The following KLF17 variants were observed in gnomAD, a reference collection of about 807,000 sequenced individuals.
KLF17 encodes the protein Krueppel-like factor 17.
A neutral mutation model predicts 34.2 loss-of-function variants in KLF17; 31 were observed. That is an observed-to-expected ratio of 0.91 (90% CI 0.68 to 1.22). The LOEUF (loss-of-function observed/expected upper bound fraction) is 1.22, where lower values mean the gene tolerates loss of function less well. Among genes scored for constraint, KLF17 ranks in the 50% most tolerant of loss-of-function variants. The pLI is 0.00. For missense variants in KLF17, 478 were observed against 505.2 expected (o/e 0.95, Z 0.52); for synonymous variants, 179 against 186.7 (o/e 0.96, Z 0.34).
chr1:44,083,103 G>A, the KLF17 span, among the ~76,000 whole-genome samples: 1 of 151,432 alleles, frequency 6.6e-6, no homozygotes, highest in Non-Finnish European at 1.5e-5. Context: ...ACCACACCCA[G>A]CTAATTAAAA....
the KLF17 span, among the ~76,000 whole-genome samples, chr1:44,079,307 C>CTTTTTTTTTTTTTTTTT: frequency 1.4e-5 from 2 of 140,868 alleles, no homozygotes; most frequent in Non-Finnish European, 3.1e-5. Context: ...TTTTCTTCTC[C>CTTTTTTTTTTTTTTTTT]TTTTTTTTTT....
At chr1:44,061,963 C>T in the KLF17 span, among the ~76,000 whole-genome samples, 5 of 152,218 alleles carry the variant, frequency 3.3e-5, no homozygotes, top group South Asian at 2.1e-4. Flanking sequence ...TGAGCTGCTA[C>T]TGTGTATACA....
the KLF17 span, among the ~76,000 whole-genome samples, chr1:44,068,132 C>G: frequency 1.3e-5 from 2 of 152,198 alleles, no homozygotes; most frequent in East Asian, 3.9e-4. Context: ...TCAAGCAATT[C>G]TCCTGCCTCA....
chr1:44,086,468 AAAATAAATAAATAAATAAAT>A, the KLF17 span, among the ~76,000 whole-genome samples: 2 of 148,410 alleles, frequency 1.3e-5, no homozygotes, highest in South Asian at 2.1e-4. Context: ...CTCCATCTCA[AAAATAAATAAATAAATAAAT>A]AAATAAATAA....
At chr1:44,104,519 C>T in the KLF17 span, 1 of 728,652 alleles carries the variant, frequency 1.4e-6, no homozygotes, top group South Asian at 1.5e-5. Flanking sequence ...TGCGCATGGC[C>T]TGGATGTTGA....
the KLF17 span, among the ~76,000 whole-genome samples, chr1:44,111,751 G>A: frequency 6.6e-6 from 1 of 152,054 alleles, no homozygotes; most frequent in Non-Finnish European, 1.5e-5. Flanking sequence ...AAATTAGCTG[G>A]GTGTGGTGGC....
chr1:44,099,975 G>A, the KLF17 span, among the ~76,000 whole-genome samples: 64,496 of 136,610 alleles, frequency 0.47, 18,399 homozygotes, highest in Middle Eastern at 0.55. Context: ...CGTTGCTCAC[G>A]CCTGTAATCT....
At chr1:44,132,514 C>T (rs777453852) in intron 3 of KLF17, among the ~76,000 whole-genome samples, 3 of 152,166 alleles carry the variant, frequency 2.0e-5, no homozygotes, top group Non-Finnish European at 2.9e-5. Context: ...CCCACCCCAG[C>T]CTATTAAATA....
chr1:44,049,627 C>T, the KLF17 span, among the ~76,000 whole-genome samples: 2 of 152,276 alleles, frequency 1.3e-5, no homozygotes, highest in East Asian at 3.9e-4. Context: ...GGACTACAGG[C>T]ATGTGCCACC....
the KLF17 span, among the ~76,000 whole-genome samples, chr1:44,071,993 G>C: frequency 5.3e-5 from 8 of 151,514 alleles, no homozygotes; most frequent in East Asian, 1.9e-4. Flanking sequence ...TTTTTTTTTG[G>C]GGGGGGACGG....
rs150440673 is a variant in KLF17, at chr1:44,119,053, G to A, written c.81+65G>A. The A allele has an allele frequency of 8.5e-4, 1,077 of 1,270,170 alleles. 26 individuals are homozygous for A. In the East Asian group the frequency reaches 0.022, roughly 26 times the overall value. 78.7% of individuals were successfully genotyped at this position (1,270,170 alleles called of 1,614,324 possible). On this transcript the variant is annotated intron_variant, in intron 1 of 3. Coordinates refer to ENST00000372299, the MANE Select transcript of KLF17 (RefSeq NM_173484.4). ...AGGCTAGGGGGCGGCGGGGAGGGGA[G>A]GCCTTGGAGGAGAGGTGAGGCGGAG...
the KLF17 span, chr1:44,110,374 T>C: frequency 6.6e-6 from 1 of 152,210 alleles, no homozygotes; most frequent in Non-Finnish European, 1.5e-5. Flanking sequence ...CCAAAAATTA[T>C]TATTTAATAT....
intron 3 of KLF17, among the ~76,000 whole-genome samples, chr1:44,131,298 C>T (rs1437389302): frequency 1.3e-5 from 2 of 152,124 alleles, no homozygotes; most frequent in East Asian, 1.9e-4. Context: ...TAGTCAGATG[C>T]GAATGTGGAG....
chr1:44,101,853 C>T, the KLF17 span, among the ~76,000 whole-genome samples: 64 of 151,708 alleles, frequency 4.2e-4, no homozygotes, highest in Non-Finnish European at 7.1e-4. Flanking sequence ...GTAGTGAAAC[C>T]GTGTTTCTCA....
At chr1:44,088,499 A>T in the KLF17 span, 1 of 152,278 alleles carries the variant, frequency 6.6e-6, no homozygotes, top group African/African-American at 2.4e-5. Context: ...CAGAAGTAGA[A>T]GCCCAGTGGT....
the KLF17 span, among the ~76,000 whole-genome samples, chr1:44,106,225 A>G: frequency 6.6e-6 from 1 of 152,074 alleles, no homozygotes; most frequent in African/African-American, 2.4e-5. Flanking sequence ...AAGGATCCCT[A>G]CAGATCCACC....
the KLF17 span, among the ~76,000 whole-genome samples, chr1:44,048,824 TC>T: frequency 0.057 from 8,682 of 152,218 alleles, 266 homozygotes; most frequent in Middle Eastern, 0.12. Context: ...TGATTAGTTT[TC>T]TTTGTTTTTA....
At chr1:44,130,323 G>GCC (rs35084281) in intron 2 of KLF17, 127 bp downstream of exon 2, 7 of 1,420,756 alleles carry the variant, frequency 4.9e-6, no homozygotes, top group Non-Finnish European at 5.7e-6. Flanking sequence ...AGCTAGACTG[G>GCC]CCCCCCGACT....
chr1:44,127,569 T>C (rs962131488), intron 1 of KLF17, among the ~76,000 whole-genome samples: 2 of 150,394 alleles, frequency 1.3e-5, no homozygotes, highest in African/African-American at 4.9e-5. Flanking sequence ...ACTCCTGACC[T>C]CAAGTGATCC....
Sources: allele counts gnomAD v4.1 joint callset (sites outside exome capture counted in the v4.1 genomes callset), GRCh38; gene constraint gnomAD v4.1.1; transcripts MANE v1.5; gene names NCBI Gene and HGNC (gene_info 2026-07-23, HGNC 2026-07-21).